The following TUSC3 variants were observed in gnomAD, a reference collection of about 807,000 sequenced individuals.
TUSC3 encodes the protein dolichyl-diphosphooligosaccharide--protein glycosyltransferase subunit TUSC3.
TUSC3 carries 45 observed loss-of-function variants against 44.8 expected under a neutral mutation model. The ratio of observed to expected loss-of-function variants is 1.00; its 90% CI spans 0.79 to 1.29. The LOEUF (loss-of-function observed/expected upper bound fraction) is 1.29. TUSC3 is among the 50% of genes most tolerant of loss of function. The probability of loss-of-function intolerance (pLI) is 0.00; values close to 1 mark genes in which losing one functional copy is unlikely to be tolerated. For missense variants in TUSC3, 519 were observed against 437.9 expected, an observed-to-expected ratio of 1.19 and a Z score of -1.65; for synonymous variants, 212 against 152.9, an observed-to-expected ratio of 1.39 and a Z score of -2.85.
At chr8:15,799,297 C>A in the TUSC3 span, among the ~76,000 whole-genome samples, 1 of 152,110 alleles carries the variant, frequency 6.6e-6, no homozygotes, top group Non-Finnish European at 1.5e-5. Flanking sequence ...CCTAGTTCTG[C>A]CCAGAATAAT....
At chr8:15,837,383 T>C in the TUSC3 span, among the ~76,000 whole-genome samples, 3 of 152,136 alleles carry the variant, frequency 2.0e-5, no homozygotes, top group Admixed American at 6.6e-5. Flanking sequence ...TTAGTTTTTA[T>C]TGTCATTGTT....
chr8:15,781,921 T>G, the TUSC3 span, among the ~76,000 whole-genome samples: 1 of 152,136 alleles, frequency 6.6e-6, no homozygotes, highest in Non-Finnish European at 1.5e-5. Context: ...TTACCAGAGG[T>G]CAGGAGTTCC....
chr8:15,576,268 T>C (rs1421706452), intron 1 of TUSC3, among the ~76,000 whole-genome samples: 1 of 143,074 alleles, frequency 7.0e-6, no homozygotes, highest in Non-Finnish European at 1.5e-5. Context: ...TTTTTTTTTC[T>C]TGGTCCTCTT....
intron 1 of TUSC3, among the ~76,000 whole-genome samples, chr8:15,617,365 C>T (rs1380338473): frequency 6.6e-6 from 1 of 151,840 alleles, no homozygotes; most frequent in Non-Finnish European, 1.5e-5. Context: ...GTCTCGAACT[C>T]CTGACCTCTT....
chr8:15,765,365 T>C lies in TUSC3; in HGVS notation c.*1209T>C, dbSNP rs1278444662. 1 of 152,068 alleles carries C rather than the reference T, an allele frequency of 6.6e-6. No individual in the cohort carries two copies. Among genetic ancestry groups the C allele is most frequent in the African/African-American group, 2.4e-5 (1 of 41,446 alleles). The allele number at this position is 152,068 out of a possible 1,614,324, so 9.4% of individuals were successfully genotyped here. ...GTCAGTTCAATAAGTGTTTGCTTTT[T>C]GTTTTTAAGGTTTGTTATCTAATTT... On this transcript the variant is annotated 3_prime_UTR_variant, in exon 11 of 11. Coordinates refer to ENST00000503731, the MANE Select transcript of TUSC3 (RefSeq NM_006765.4).
intron 2 of TUSC3, among the ~76,000 whole-genome samples, chr8:15,505,558 T>C (rs969366089): frequency 2.6e-5 from 4 of 152,208 alleles, no homozygotes; most frequent in African/African-American, 9.6e-5. Flanking sequence ...TTCCATAGTT[T>C]CCTTTACTAC....
rs1448711535 is a variant in TUSC3, at chr8:15,531,575, C to A, written n.189+48092C>A. ...CCTAAAGCTTTTTAATAAACGTTCA[C>A]TCCTGCCTTAAAACTTGCCTTGGTC... is the stretch of plus-strand genomic sequence containing the variant. On this transcript the variant is annotated intron_variant and non_coding_transcript_variant, in intron 2 of 5. Coordinates refer to the TUSC3 transcript ENST00000503191. Among the ~76,000 whole-genome samples the A allele has an allele frequency of 2.0e-5, 3 of 152,312 alleles. No individual in the cohort carries two copies. The East Asian group carries it at 5.8e-4, about 29-fold the overall frequency.
intron 9 of TUSC3, 68 bp downstream of exon 9, chr8:15,748,533 A>C (rs17121904): frequency 3.0e-6 from 4 of 1,344,194 alleles, no homozygotes; most frequent in Non-Finnish European, 3.2e-6. Flanking sequence ...AGTGGTTAAT[A>C]TATAATTAAG....
intron 7 of TUSC3, 49 bp from the exon 8 acceptor site, chr8:15,743,489 T>G (rs759863802): frequency 3.1e-6 from 5 of 1,594,722 alleles, no homozygotes; most frequent in East Asian, 2.2e-5. Flanking sequence ...GAAAAATTAA[T>G]AGATTTTATT....
chr8:15,676,556 T>C (rs1258130365), intron 6 of TUSC3, among the ~76,000 whole-genome samples: 1 of 152,170 alleles, frequency 6.6e-6, no homozygotes, highest in African/African-American at 2.4e-5. Flanking sequence ...AAGGCCAGTG[T>C]CCAGAATGGT....
At chr8:15,771,853 C>G in the TUSC3 span, among the ~76,000 whole-genome samples, 2 of 152,060 alleles carry the variant, frequency 1.3e-5, no homozygotes, top group Admixed American at 1.3e-4. Context: ...CTTTGGGAGG[C>G]CGAGACAGGC....
At chr8:15,565,687 T>A (rs1412240998) in intron 1 of TUSC3, among the ~76,000 whole-genome samples, 1 of 152,154 alleles carries the variant, frequency 6.6e-6, no homozygotes, top group African/African-American at 2.4e-5. Flanking sequence ...TTAAATACTT[T>A]CATGCTTGGA....
intron 2 of TUSC3, among the ~76,000 whole-genome samples, chr8:15,637,090 A>G (rs1002364173): frequency 6.6e-6 from 1 of 152,220 alleles, no homozygotes; most frequent in African/African-American, 2.4e-5. Flanking sequence ...AGAACTCTTC[A>G]ATATGTATAT....
At chr8:15,731,029 G>A (rs545413112) in intron 7 of TUSC3, among the ~76,000 whole-genome samples, 8 of 151,830 alleles carry the variant, frequency 5.3e-5, no homozygotes, top group African/African-American at 1.2e-4. Context: ...TGGCTTTTCC[G>A]TATAGCATCC....
chr8:15,620,697 C>T (rs1805205231), intron 1 of TUSC3, among the ~76,000 whole-genome samples: 1 of 152,026 alleles, frequency 6.6e-6, no homozygotes, highest in Non-Finnish European at 1.5e-5. Flanking sequence ...AACTATTCCT[C>T]TGTGAGGAAT....
chr8:15,622,912 A>G (rs1805317170), intron 1 of TUSC3, among the ~76,000 whole-genome samples, 168 bp from the exon 2 acceptor site: 1 of 152,170 alleles, frequency 6.6e-6, no homozygotes, highest in Non-Finnish European at 1.5e-5. Context: ...CATTATAAAA[A>G]TATATGTCCT....
chr8:15,451,460 C>T (rs540679293), intron 1 of TUSC3, among the ~76,000 whole-genome samples: 2 of 152,128 alleles, frequency 1.3e-5, no homozygotes, highest in South Asian at 4.1e-4. Flanking sequence ...ATCATGGCTA[C>T]ATAATGAAGC....
At chr8:15,613,591 A>T (rs1158924332) in intron 1 of TUSC3, among the ~76,000 whole-genome samples, 2 of 152,104 alleles carry the variant, frequency 1.3e-5, no homozygotes, top group Non-Finnish European at 2.9e-5. Flanking sequence ...GTCTTCTGCC[A>T]TGATTGTGAG....
rs143451207 is a variant in TUSC3 at position 15,552,092 on chromosome 8, G to C, written c.138+11524G>C. Among the ~76,000 whole-genome samples the C allele has an allele frequency of 1.4e-4, 21 of 151,688 alleles. No individual in the cohort carries two copies. The East Asian group carries it at 3.9e-3, about 28-fold the overall frequency. On this transcript the variant is annotated intron_variant, in intron 1 of 10. Coordinates refer to ENST00000503731, the MANE Select transcript of TUSC3 (RefSeq NM_006765.4). ...AGCCTTATATGTTTGATTCCTGTTT[G>C]GGTGTTGATTTCTTAAGTATGTTGT...
Sources: allele counts gnomAD v4.1 joint callset (sites outside exome capture counted in the v4.1 genomes callset), GRCh38; gene constraint gnomAD v4.1.1; transcripts MANE v1.5; gene names NCBI Gene and HGNC (gene_info 2026-07-23, HGNC 2026-07-21).